The following ERICH6 variants were observed in gnomAD, a reference collection of about 807,000 sequenced individuals.
The protein encoded by ERICH6 is glutamate-rich protein 6.
A neutral mutation model predicts 71.0 loss-of-function variants in ERICH6; 71 were observed. That is an observed-to-expected ratio of 1.00 (90% CI 0.83 to 1.22). The LOEUF is 1.22. ERICH6 is among the 50% of genes most tolerant of loss of function. The pLI is 0.00. For synonymous variants in ERICH6, 262 were observed against 278.4 expected, an observed-to-expected ratio of 0.94 and a Z score of 0.59; for missense variants, 808 against 797.2, an observed-to-expected ratio of 1.01 and a Z score of -0.16.
intron 10 of ERICH6, among the ~76,000 whole-genome samples, chr3:150,675,126 G>C (rs1372250560): frequency 1.3e-5 from 2 of 151,934 alleles, no homozygotes; most frequent in Non-Finnish European, 2.9e-5. Context: ...GAGCAAGACT[G>C]TCTCAAAAAA....
chr3:150,699,141 T>G (rs1028137531), intron 2 of ERICH6, among the ~76,000 whole-genome samples: 3 of 151,934 alleles, frequency 2.0e-5, no homozygotes, highest in Admixed American at 6.6e-5. Context: ...TGAGACCCTA[T>G]CTCTATAAAA....
chr3:150,673,066 G>A (rs1490834807), intron 11 of ERICH6, among the ~76,000 whole-genome samples: 1 of 151,830 alleles, frequency 6.6e-6, no homozygotes, highest in East Asian at 1.9e-4. Context: ...TTTTCTTTGG[G>A]TGGTAGAATT....
chr3:150,659,961 A>G lies in ERICH6; in HGVS notation c.1923T>C (p.Leu641=), dbSNP rs898836157. 6.2e-7 allele frequency: 1 copy of G among 1,614,062 alleles called. No individual in the cohort carries two copies. Among genetic ancestry groups the G allele is most frequent in the Non-Finnish European group, 8.5e-7 (1 of 1,179,948 alleles). ...CTTGCTTTATACCAGAACTGTGACA[A>G]AGGGCAATTAGTTTTAGAGAAAGTG... ...LSSLSLKLIA[L]CHSSGIKQDI... The change falls in exon 14 of 14, where the codon CTT becomes CTC. Residue 641 remains leucine (L), a synonymous_variant. Coordinates refer to ENST00000295910, the MANE Select transcript of ERICH6 (RefSeq NM_152394.5).
chr3:150,676,469 T>G (rs1436946172), intron 10 of ERICH6, among the ~76,000 whole-genome samples: 2 of 152,214 alleles, frequency 1.3e-5, no homozygotes, highest in East Asian at 3.8e-4. Flanking sequence ...TTTTTAGTTG[T>G]ATTGTTAAGT....
chr3:150,696,984 A>ATTTTT (rs1464318590), intron 3 of ERICH6, among the ~76,000 whole-genome samples: 28 of 152,356 alleles, frequency 1.8e-4, no homozygotes, highest in Middle Eastern at 3.4e-3. Flanking sequence ...GGAAATAAAT[A>ATTTTT]TCTAGGAACA....
intron 3 of ERICH6, among the ~76,000 whole-genome samples, chr3:150,690,044 G>A (rs1712361681): frequency 6.6e-6 from 1 of 152,144 alleles, no homozygotes; most frequent in South Asian, 2.1e-4. Flanking sequence ...TACATGCACT[G>A]TAAAAATATG....
intron 11 of ERICH6, among the ~76,000 whole-genome samples, chr3:150,672,529 T>C: frequency 6.6e-6 from 1 of 151,506 alleles, no homozygotes; most frequent in East Asian, 1.9e-4. Flanking sequence ...ACCTGGGAGG[T>C]GGAGGTTGCA....
chr3:150,665,207 T>C (rs1001187809), intron 13 of ERICH6, among the ~76,000 whole-genome samples: 3 of 152,156 alleles, frequency 2.0e-5, no homozygotes, highest in African/African-American at 4.8e-5. Flanking sequence ...TAGCACATTG[T>C]AGACCCTCGC....
chr3:150,680,612 G>C (rs1329549097), intron 8 of ERICH6, 74 bp from the exon 9 acceptor site: 1 of 1,586,686 alleles, frequency 6.3e-7, no homozygotes, highest in Middle Eastern at 1.7e-4. Flanking sequence ...ACAAAATTCA[G>C]CTGCTTAAAT....
intron 10 of ERICH6, among the ~76,000 whole-genome samples, chr3:150,675,003 C>T (rs1415564826): frequency 6.6e-6 from 1 of 152,078 alleles, no homozygotes; most frequent in Non-Finnish European, 1.5e-5. Context: ...CGTGGTGGCA[C>T]ACGCCTGTAA....
At chr3:150,697,876 C>A (rs958308968) in intron 3 of ERICH6, among the ~76,000 whole-genome samples, 11 of 152,208 alleles carry the variant, frequency 7.2e-5, no homozygotes, top group Non-Finnish European at 1.5e-4. Context: ...GTGATCTCAT[C>A]CCCTAAGATT....
chr3:150,702,870 C>T (rs1409513489), intron 1 of ERICH6, among the ~76,000 whole-genome samples: 1 of 138,216 alleles, frequency 7.2e-6, no homozygotes, highest in Non-Finnish European at 1.5e-5. Context: ...CCTTAAGGCA[C>T]TTCTCTGGAA....
rs1268926832 is a variant in ERICH6 at position 150,703,761 on chromosome 3, T to TTCC, written c.135_137dup (p.Glu47dup). ...CCTCCTCCTCCTCCTCCTCCACCTC[T>TTCC]TCCTCCTCCTCCTCCACCTCTTCCT... On this transcript the variant is annotated inframe_insertion, in exon 1 of 14. Transcript: ENST00000295910. 1.3e-6 allele frequency: 2 copies of TTCC among 1,528,362 alleles called. No individual in the cohort carries two copies. Among genetic ancestry groups the TTCC allele is most frequent in the Non-Finnish European group, 1.7e-6 (2 of 1,146,574 alleles). The allele number at this position is 1,528,362 out of a possible 1,614,324, so 94.7% of individuals were successfully genotyped here.
At chr3:150,683,539 C>G (rs370992112) in intron 6 of ERICH6, among the ~76,000 whole-genome samples, 1 of 151,958 alleles carries the variant, frequency 6.6e-6, no homozygotes, top group Non-Finnish European at 1.5e-5. Flanking sequence ...CGAGGCAGGC[C>G]GATCACCTGA....
chr3:150,660,198 G>A (rs1051276189), intron 13 of ERICH6, 43 bp from the exon 14 acceptor site: 9 of 1,595,020 alleles, frequency 5.6e-6, no homozygotes, highest in East Asian at 4.5e-5. Flanking sequence ...GAGTCCAGAA[G>A]TGGAACTGGG....
rs990340505 is a variant in ERICH6 at position 150,674,686 on chromosome 3, C to G, written c.1258-645G>C. Among the ~76,000 whole-genome samples the G allele has an allele frequency of 2.0e-5, 3 of 152,270 alleles. No individual in the cohort carries two copies. In the East Asian group the frequency reaches 5.8e-4, roughly 29 times the overall value. On this transcript the variant is annotated intron_variant, in intron 10 of 13. Transcript: ENST00000295910. Reference sequence around the variant, plus strand: ...GATTATACTGGATCTATGGATCACTCTGGAAAGAATGATCAAAGAGTGTCA... The same window carrying G: ...GATTATACTGGATCTATGGATCACTGTGGAAAGAATGATCAAAGAGTGTCA...
chr3:150,671,928 C>T (rs1013216642), intron 11 of ERICH6, among the ~76,000 whole-genome samples: 21 of 152,194 alleles, frequency 1.4e-4, no homozygotes, highest in African/African-American at 5.1e-4. Flanking sequence ...CCATGCCCAG[C>T]CTCAACCCCT....
Position 150,691,749 on chromosome 3 carries a change from G to A in ERICH6, c.554-5395C>T, listed in dbSNP as rs188383473. ...TTTTTAAATTAAGGTTATTACATCTGTGTATCCTTCTGTATGCACTTTTAA... is the reference window on the plus strand; with the variant it reads ...TTTTTAAATTAAGGTTATTACATCTATGTATCCTTCTGTATGCACTTTTAA... On this transcript the variant is annotated intron_variant, in intron 3 of 13. Coordinates refer to ENST00000295910, the MANE Select transcript of ERICH6 (RefSeq NM_152394.5). Among the ~76,000 whole-genome samples, 10 of 152,150 alleles carry A rather than the reference G, an allele frequency of 6.6e-5. No individual in the cohort carries two copies. In the East Asian group the frequency reaches 1.7e-3, roughly 26 times the overall value.
chr3:150,671,139 T>C (rs991909674), intron 11 of ERICH6, among the ~76,000 whole-genome samples: 34 of 152,244 alleles, frequency 2.2e-4, no homozygotes, highest in African/African-American at 7.5e-4. Flanking sequence ...TATTTAAAAT[T>C]TATTGATGTA....
Sources: gnomAD v4.1 joint callset for allele counts (sites outside exome capture counted in the v4.1 genomes callset) on GRCh38, gnomAD v4.1.1 for gene constraint, MANE v1.5 for transcripts, NCBI Gene and HGNC (gene_info 2026-07-23, HGNC 2026-07-21) for gene names.